STRBP: variants seen among roughly 807,000 people sequenced by gnomAD.
STRBP encodes the protein spermatid perinuclear RNA-binding protein.
STRBP carries 13 observed loss-of-function variants against 80.1 expected under a neutral mutation model. The ratio of observed to expected loss-of-function variants is 0.16; its 90% CI spans 0.11 to 0.26. The LOEUF is 0.26. STRBP is among the 10% of genes least tolerant of loss of function. STRBP has a pLI of 1.00. For missense variants in STRBP, 485 were observed against 815.2 expected, an observed-to-expected ratio of 0.59 and a Z score of 4.93; for synonymous variants, 284 against 291.2, an observed-to-expected ratio of 0.98 and a Z score of 0.25.
intron 1 of STRBP, among the ~76,000 whole-genome samples, chr9:123,263,143 T>C (rs1478085238): frequency 6.6e-6 from 1 of 151,930 alleles, no homozygotes; most frequent in East Asian, 1.9e-4. Flanking sequence ...AGAAAAGCAG[T>C]AAAATGGGTA....
chr9:123,165,881 G>A (rs766509738), intron 6 of STRBP, among the ~76,000 whole-genome samples: 9 of 152,134 alleles, frequency 5.9e-5, no homozygotes, highest in Admixed American at 2.0e-4. Flanking sequence ...GTGAGGAAGT[G>A]CTTATCACAT....
At chr9:123,180,337 A>G (rs1355733765) in intron 3 of STRBP, among the ~76,000 whole-genome samples, 3 of 152,260 alleles carry the variant, frequency 2.0e-5, no homozygotes, top group Non-Finnish European at 4.4e-5. Context: ...TAAGAAAACT[A>G]TAAAAAACAT....
At chr9:123,206,677 T>C (rs1295109727) in intron 2 of STRBP, among the ~76,000 whole-genome samples, 2 of 152,116 alleles carry the variant, frequency 1.3e-5, no homozygotes, top group African/African-American at 4.8e-5. Flanking sequence ...TCACTCTGGT[T>C]GCCCAGGCTG....
At chr9:123,239,908 T>C (rs1462413424) in intron 1 of STRBP, among the ~76,000 whole-genome samples, 3 of 152,218 alleles carry the variant, frequency 2.0e-5, no homozygotes, top group Non-Finnish European at 1.5e-5. Context: ...ATGAGGCAAG[T>C]ACAGGTATGC....
intron 13 of STRBP, among the ~76,000 whole-genome samples, chr9:123,140,413 G>A (rs1298440498): frequency 6.6e-6 from 1 of 152,110 alleles, no homozygotes; most frequent in African/African-American, 2.4e-5. Context: ...TGGCCAACAT[G>A]GTAAGACCAG....
intron 17 of STRBP, among the ~76,000 whole-genome samples, chr9:123,131,600 G>C (rs562561749): frequency 6.6e-6 from 1 of 152,290 alleles, no homozygotes; most frequent in South Asian, 2.1e-4. Context: ...AGCCTCCAGG[G>C]ACCCACTAAA....
chr9:123,253,316 C>T (rs1163153959), intron 1 of STRBP, among the ~76,000 whole-genome samples: 1 of 152,174 alleles, frequency 6.6e-6, no homozygotes, highest in Non-Finnish European at 1.5e-5. Flanking sequence ...TTTTGTTTTT[C>T]CTCCTGTGCA....
chr9:123,238,909 G>A (rs1431269644), intron 1 of STRBP, among the ~76,000 whole-genome samples: 1 of 152,102 alleles, frequency 6.6e-6, no homozygotes, highest in Non-Finnish European at 1.5e-5. Flanking sequence ...TCTGGGAGCA[G>A]GCAAAAGTTC....
rs1276103955 is a variant in STRBP, at chr9:123,122,857, C to A, written c.*2740G>T. ...GCTCACACGCTAATTTTAAGCTCTA[C>A]ACTGACCTGTAAACTCCCTGACAAG... On this transcript the variant is annotated 3_prime_UTR_variant, in exon 19 of 19. Coordinates refer to ENST00000348403, the MANE Select transcript of STRBP (RefSeq NM_018387.5). The A allele has an allele frequency of 1.0e-6, 1 of 985,762 alleles. No individual in the cohort carries two copies. Among genetic ancestry groups the A allele is most frequent in the African/African-American group, 1.7e-5 (1 of 57,264 alleles). 61.1% of individuals were successfully genotyped at this position (985,762 alleles called of 1,614,324 possible). A position where few individuals can be genotyped will look rare whatever the true frequency, so the allele number is the denominator to read the frequency against.
chr9:123,182,216 T>G (rs2038499653), intron 3 of STRBP, among the ~76,000 whole-genome samples: 1 of 94,564 alleles, frequency 1.1e-5, no homozygotes, highest in Non-Finnish European at 2.1e-5. Context: ...CTCCGTTTCT[T>G]TAAAAAAAAA....
intron 1 of STRBP, among the ~76,000 whole-genome samples, chr9:123,266,830 T>G (rs887820066): frequency 3.9e-5 from 6 of 151,944 alleles, no homozygotes; most frequent in African/African-American, 7.3e-5. Flanking sequence ...TTCTACATCC[T>G]CTACCCCAAA....
At chr9:123,261,295 G>C (rs1033518071) in intron 1 of STRBP, among the ~76,000 whole-genome samples, 1 of 152,182 alleles carries the variant, frequency 6.6e-6, no homozygotes, top group Non-Finnish European at 1.5e-5. Context: ...TTGATTAAAA[G>C]AGGCAGATTT....
intron 1 of STRBP, among the ~76,000 whole-genome samples, chr9:123,245,943 A>G (rs2040792076): frequency 6.6e-6 from 1 of 152,224 alleles, no homozygotes. Flanking sequence ...AAGAAAGACA[A>G]TAGTTCATTA....
chr9:123,215,338 T>C (rs993985201), intron 2 of STRBP, among the ~76,000 whole-genome samples: 1 of 152,122 alleles, frequency 6.6e-6, no homozygotes, highest in Non-Finnish European at 1.5e-5. Context: ...ATTATAGGCA[T>C]GAGCCACTGT....
chr9:123,143,850 A>G (rs1225279607), intron 13 of STRBP, among the ~76,000 whole-genome samples: 2 of 152,258 alleles, frequency 1.3e-5, no homozygotes, highest in Non-Finnish European at 2.9e-5. Flanking sequence ...CATCACTAAC[A>G]ATAAGAGCAA....
intron 3 of STRBP, chr9:123,111,784 G>C (rs1225920003): frequency 2.9e-6 from 1 of 347,730 alleles, no homozygotes; most frequent in Non-Finnish European, 5.9e-6. Flanking sequence ...TGCAAGAAGT[G>C]TTCCTTCTTA....
At chr9:123,182,116 G>C (rs955248402) in intron 3 of STRBP, among the ~76,000 whole-genome samples, 5 of 149,470 alleles carry the variant, frequency 3.3e-5, no homozygotes, top group Admixed American at 1.3e-4. Flanking sequence ...TCAGGAGGCT[G>C]AGGCAGAAGA....
At chr9:123,215,230 G>C (rs1384187296) in intron 2 of STRBP, among the ~76,000 whole-genome samples, 1 of 151,752 alleles carries the variant, frequency 6.6e-6, no homozygotes, top group Non-Finnish European at 1.5e-5. Flanking sequence ...CTGGCTAACT[G>C]TTTTATTGTA....
chr9:123,189,470 A>T lies in STRBP; in HGVS notation c.-164-5172T>A, dbSNP rs867410858. Among the ~76,000 whole-genome samples, 29 of 148,826 alleles carry T rather than the reference A, an allele frequency of 1.9e-4. 1 individual carries two copies. The highest frequency in any genetic ancestry group is 5.9e-4 in the African/African-American group (24 of 40,580). On this transcript the variant is annotated intron_variant, in intron 2 of 18. Coordinates refer to ENST00000348403, the MANE Select transcript of STRBP (RefSeq NM_018387.5). ...AAAACTTGAAGTATAATAATAATAA[A>T]AAAAAAGAAAATGTGGCACGTATAC...
Sources: allele counts gnomAD v4.1 joint callset (sites outside exome capture counted in the v4.1 genomes callset), GRCh38; gene constraint gnomAD v4.1.1; transcripts MANE v1.5; gene names NCBI Gene and HGNC (gene_info 2026-07-23, HGNC 2026-07-21).